The following GALNT17 variants were observed in gnomAD, a reference collection of about 807,000 sequenced individuals.
GALNT17 encodes polypeptide N-acetylgalactosaminyltransferase 17.
GALNT17 carries 29 observed loss-of-function variants against 63.7 expected under a neutral mutation model. That is an observed-to-expected ratio of 0.46 (90% CI 0.34 to 0.62). The LOEUF (loss-of-function observed/expected upper bound fraction) is 0.62, where lower values mean the gene tolerates loss of function less well. GALNT17 is among the 20% of genes least tolerant of loss of function. The pLI is 0.01. For missense variants in GALNT17, 603 were observed against 799.6 expected, an observed-to-expected ratio of 0.75 and a Z score of 2.97; for synonymous variants, 305 against 318.3, an observed-to-expected ratio of 0.96 and a Z score of 0.45.
intron 6 of GALNT17, among the ~76,000 whole-genome samples, chr7:71,646,142 C>T (rs1772065533): frequency 6.6e-6 from 1 of 152,200 alleles, no homozygotes; most frequent in African/African-American, 2.4e-5. Flanking sequence ...CAGAGAACAG[C>T]ATTTCTGCCC....
chr7:71,312,493 A>G (rs1303508079), intron 1 of GALNT17, among the ~76,000 whole-genome samples: 1 of 152,234 alleles, frequency 6.6e-6, no homozygotes, highest in African/African-American at 2.4e-5. Flanking sequence ...TCTGAGTACC[A>G]TAACAAAAGA....
chr7:71,193,203 A>G (rs1197824675), intron 1 of GALNT17, among the ~76,000 whole-genome samples: 21 of 151,814 alleles, frequency 1.4e-4, no homozygotes, highest in Admixed American at 1.2e-3. Context: ...GGCTCAAGCT[A>G]TCCTCCTACC....
At chr7:71,159,918 A>T (rs1788309709) in intron 1 of GALNT17, among the ~76,000 whole-genome samples, 1 of 151,686 alleles carries the variant, frequency 6.6e-6, no homozygotes, top group Non-Finnish European at 1.5e-5. Flanking sequence ...AGTAGCTGGG[A>T]TTACAGGTGT....
At chr7:71,169,082 A>G (rs1421619744) in intron 1 of GALNT17, among the ~76,000 whole-genome samples, 1 of 152,076 alleles carries the variant, frequency 6.6e-6, no homozygotes, top group Non-Finnish European at 1.5e-5. Context: ...TGATGATGTG[A>G]TCAGTATCCA....
At chr7:71,340,836 C>T (rs1040232418) in intron 2 of GALNT17, among the ~76,000 whole-genome samples, 2 of 152,050 alleles carry the variant, frequency 1.3e-5, no homozygotes, top group Admixed American at 6.5e-5. Context: ...GAGTTTGAGA[C>T]CAGCCTGGCC....
intron 3 of GALNT17, among the ~76,000 whole-genome samples, chr7:71,401,629 G>A (rs779750754): frequency 1.1e-4 from 17 of 152,090 alleles, no homozygotes; most frequent in Non-Finnish European, 1.8e-4. Context: ...TCTCCTGTCA[G>A]ATCAGCAGTG....
chr7:71,177,702 T>A (rs929538149), intron 1 of GALNT17, among the ~76,000 whole-genome samples: 4 of 152,214 alleles, frequency 2.6e-5, no homozygotes, highest in South Asian at 2.1e-4. Context: ...GTTGTTTTTT[T>A]AAAATTAATT....
At chr7:71,238,731 C>T (rs957783309) in intron 1 of GALNT17, among the ~76,000 whole-genome samples, 1 of 152,176 alleles carries the variant, frequency 6.6e-6, no homozygotes, top group Non-Finnish European at 1.5e-5. Context: ...TGTCTGGTGG[C>T]CCCGTGGGGG....
At chr7:71,353,597 C>T (rs757368108) in intron 2 of GALNT17, among the ~76,000 whole-genome samples, 3 of 152,094 alleles carry the variant, frequency 2.0e-5, no homozygotes, top group Non-Finnish European at 4.4e-5. Context: ...AATATTTCAT[C>T]AGAATTAGAT....
At position 71,233,619 on chromosome 7, in the gene GALNT17, C is replaced by T. The variant is rs531657842; in HGVS notation, c.238+100579C>T. ...AGCCTATATTCAGGACAAGGGGAGC[C>T]GGATGAATCCAGCCTGTGATGGCAA... On this transcript the variant is annotated intron_variant, in intron 1 of 10. Coordinates refer to ENST00000333538, the MANE Select transcript of GALNT17 (RefSeq NM_022479.3). Among the ~76,000 whole-genome samples, 43 of 152,226 alleles carry T rather than the reference C, an allele frequency of 2.8e-4. No homozygotes were observed. In the East Asian group the frequency reaches 5.8e-3, roughly 21 times the overall value.
chr7:71,576,570 G>GTGTGTGT lies in GALNT17; in HGVS notation c.1080+5169_1080+5170insGTGTGTT, dbSNP rs1789541644. ...GTGTGTGTGTGTGTGTGTGTGTTTTGTTTGTTTGTTTGTTTTTTGAGACAG... is the reference window on the plus strand; with the variant it reads ...GTGTGTGTGTGTGTGTGTGTGTTTTGTGTGTGTTTTGTTTGTTTGTTTTTTGAGACAG... On this transcript the variant is annotated intron_variant, in intron 6 of 10. Transcript: ENST00000333538. Among the ~76,000 whole-genome samples, 45 of 93,698 alleles carry GTGTGTGT rather than the reference G, an allele frequency of 4.8e-4. 1 individual carries two copies. Among genetic ancestry groups the GTGTGTGT allele is most frequent in the Non-Finnish European group, 1.1e-4 (5 of 44,216 alleles). The allele number at this position is 93,698 out of a possible 152,430, so 61.5% of individuals were successfully genotyped here. A position where few individuals can be genotyped will look rare whatever the true frequency, so the allele number is the denominator to read the frequency against.
intron 6 of GALNT17, among the ~76,000 whole-genome samples, chr7:71,627,794 G>C (rs1349537626): frequency 1.3e-5 from 2 of 152,080 alleles, no homozygotes; most frequent in East Asian, 3.9e-4. Flanking sequence ...CAACTGCCAA[G>C]AACAATGCCC....
At chr7:71,195,642 G>A (rs1364823239) in intron 1 of GALNT17, among the ~76,000 whole-genome samples, 1 of 149,426 alleles carries the variant, frequency 6.7e-6, no homozygotes, top group African/African-American at 2.5e-5. Context: ...CGGACTCCTG[G>A]GCTCCAGTGA....
At chr7:71,349,215 A>G (rs1371785842) in intron 2 of GALNT17, among the ~76,000 whole-genome samples, 1 of 152,186 alleles carries the variant, frequency 6.6e-6, no homozygotes, top group Non-Finnish European at 1.5e-5. Context: ...GCAGCAGGAG[A>G]GAACCACGGT....
At chr7:71,582,183 C>CA (rs987601611) in intron 6 of GALNT17, among the ~76,000 whole-genome samples, 3 of 152,024 alleles carry the variant, frequency 2.0e-5, no homozygotes, top group African/African-American at 7.2e-5. Flanking sequence ...AGTCATTTTA[C>CA]AAAAAAGATA....
intron 1 of GALNT17, among the ~76,000 whole-genome samples, chr7:71,175,101 T>A (rs1788612131): frequency 6.6e-6 from 1 of 152,194 alleles, no homozygotes; most frequent in Admixed American, 6.5e-5. Context: ...TCCATCAGTC[T>A]GTCTGTCCGT....
At chr7:71,535,669 G>T (rs925914631) in intron 5 of GALNT17, among the ~76,000 whole-genome samples, 1 of 152,174 alleles carries the variant, frequency 6.6e-6, no homozygotes, top group African/African-American at 2.4e-5. Context: ...GCCTGATAAT[G>T]ACTCTACTTT....
At chr7:71,435,319 T>A (rs1289017300) in intron 5 of GALNT17, among the ~76,000 whole-genome samples, 1 of 152,182 alleles carries the variant, frequency 6.6e-6, no homozygotes. Flanking sequence ...TAGGCTGAAT[T>A]AGCTTAGGGA....
In GALNT17 at chr7:71,563,814, GC is replaced by G. The variant is rs1414542724; in HGVS notation, c.963-7470del. ...GCTGGCCTCAAACTCCTTAGCTCAA[GC>G]AGTCCTCCCACCTTGACCTCTTTAA... is the stretch of plus-strand genomic sequence containing the variant. On this transcript the variant is annotated intron_variant, in intron 5 of 10. Coordinates refer to ENST00000333538, the MANE Select transcript of GALNT17 (RefSeq NM_022479.3). Among the ~76,000 whole-genome samples the G allele has an allele frequency of 3.3e-5, 5 of 152,240 alleles. No homozygotes were observed. The East Asian group carries it at 9.7e-4, about 30-fold the overall frequency.
Sources: gnomAD v4.1 joint callset for allele counts (sites outside exome capture counted in the v4.1 genomes callset) on GRCh38, gnomAD v4.1.1 for gene constraint, MANE v1.5 for transcripts, NCBI Gene and HGNC (gene_info 2026-07-23, HGNC 2026-07-21) for gene names.